Variants in SLC2A9 observed in about 807,000 individuals in gnomAD.
The protein encoded by SLC2A9 is solute carrier family 2, facilitated glucose transporter member 9.
A neutral mutation model predicts 50.6 loss-of-function variants in SLC2A9; 39 were observed. The ratio of observed to expected loss-of-function variants is 0.77; its 90% CI spans 0.60 to 1.01. The LOEUF (loss-of-function observed/expected upper bound fraction) is 1.01, where lower values mean the gene tolerates loss of function less well. Ranked by LOEUF, SLC2A9 falls within the 50% of genes least tolerant of loss-of-function variation. SLC2A9 has a pLI of 0.00. For synonymous variants in SLC2A9, 324 were observed against 276.9 expected, an observed-to-expected ratio of 1.17 and a Z score of -1.69; for missense variants, 686 against 677.6, an observed-to-expected ratio of 1.01 and a Z score of -0.14.
At chr4:9,968,908 C>T (rs1285404905) in intron 5 of SLC2A9, among the ~76,000 whole-genome samples, 1 of 151,982 alleles carries the variant, frequency 6.6e-6, no homozygotes, top group African/African-American at 2.4e-5. Context: ...ATATAACTTT[C>T]TGTATTGCTT....
chr4:9,980,630 T>C lies in SLC2A9; in HGVS notation c.643A>G (p.Thr215Ala). 6.2e-7 allele frequency: 1 copy of C among 1,614,178 alleles called. No individual in the cohort carries two copies. The highest frequency in any genetic ancestry group is 1.1e-5 in the South Asian group (1 of 91,086). The change falls in exon 5 of 12, where the codon ACT (threonine) becomes GCT (alanine). Residue 215 changes from threonine to alanine, a missense_variant. Coordinates refer to ENST00000264784, the MANE Select transcript of SLC2A9 (RefSeq NM_020041.3). Reference protein sequence around the residue: ...TAIFICIGVFTGQLLGLPELL... With the variant: ...TAIFICIGVFAGQLLGLPELL... ...TCGGGCAGGCCCAGAAGCTGCCCAG[T>C]GAACACGCCAATGCAGATAAAGATG... is the stretch of plus-strand genomic sequence containing the variant.
At chr4:9,917,012 G>A (rs1374305147) in intron 7 of SLC2A9, among the ~76,000 whole-genome samples, 4 of 152,200 alleles carry the variant, frequency 2.6e-5, no homozygotes, top group Non-Finnish European at 5.9e-5. Flanking sequence ...GGGGAGCACA[G>A]TGGAGGGGCA....
At chr4:9,791,396 A>T (rs1460771427) in intron 3 of SLC2A9, among the ~76,000 whole-genome samples, 2 of 152,180 alleles carry the variant, frequency 1.3e-5, no homozygotes. Context: ...TCTCAGATAG[A>T]GAGGAACTGT....
At chr4:9,972,949 C>T (rs534960985) in intron 5 of SLC2A9, among the ~76,000 whole-genome samples, 1 of 152,044 alleles carries the variant, frequency 6.6e-6, no homozygotes, top group Non-Finnish European at 1.5e-5. Flanking sequence ...GCTATAAAAT[C>T]AGAACAGAAC....
intron 3 of SLC2A9, among the ~76,000 whole-genome samples, chr4:9,789,315 G>A (rs895444090): frequency 3.2e-4 from 49 of 152,200 alleles, no homozygotes; most frequent in African/African-American, 1.2e-3. Flanking sequence ...GATGCATGTG[G>A]AATGTGTAAG....
intron 3 of SLC2A9, chr4:9,783,285 C>G: frequency 6.2e-7 from 1 of 1,614,206 alleles, no homozygotes. Flanking sequence ...AACGCCGTTA[C>G]CCCCGGCAAC....
intron 5 of SLC2A9, 84 bp from the exon 6 acceptor site, chr4:9,942,129 C>G: frequency 6.4e-7 from 1 of 1,560,524 alleles, no homozygotes; most frequent in Non-Finnish European, 8.8e-7. Context: ...GTGGTTTCGA[C>G]CCTGCAGAAG....
intron 5 of SLC2A9, among the ~76,000 whole-genome samples, chr4:9,974,677 C>A (rs1422205619): frequency 1.3e-5 from 2 of 152,102 alleles, no homozygotes; most frequent in Non-Finnish European, 2.9e-5. Context: ...AGCAATACTG[C>A]CCAAAGCAAT....
chr4:9,934,163 C>T (rs923043834), intron 6 of SLC2A9, among the ~76,000 whole-genome samples: 2 of 152,174 alleles, frequency 1.3e-5, no homozygotes, highest in African/African-American at 4.8e-5. Context: ...GCCTCCCACA[C>T]TAGCATATAA....
intron 6 of SLC2A9, among the ~76,000 whole-genome samples, chr4:9,930,859 G>A (rs1167063551): frequency 6.6e-6 from 1 of 152,150 alleles, no homozygotes; most frequent in African/African-American, 2.4e-5. Context: ...GGAGCCAGGT[G>A]ACCACCTGTC....
chr4:9,800,207 A>G (rs1433539995), intron 3 of SLC2A9, among the ~76,000 whole-genome samples: 2 of 152,178 alleles, frequency 1.3e-5, no homozygotes, highest in Non-Finnish European at 2.9e-5. Context: ...TCAGTGCAGA[A>G]CTGAATTTCA....
intron 10 of SLC2A9, among the ~76,000 whole-genome samples, chr4:9,836,824 G>C (rs957331886): frequency 6.6e-6 from 1 of 152,190 alleles, no homozygotes; most frequent in Non-Finnish European, 1.5e-5. Context: ...GGTTGTTTAG[G>C]GGGGCTCAGA....
In SLC2A9 at chr4:9,920,580, C is replaced by G. The variant is rs749578844; in HGVS notation, c.815-8G>C. ...CCAAGAACGTTTGGAAGGCTGCAAA[C>G]AGAGGCACACATGGACTTTCAGCAG... On this transcript the variant is annotated splice_region_variant and splice_polypyrimidine_tract_variant and intron_variant, in intron 6 of 11. Transcript: ENST00000264784. 2 of 1,614,076 alleles carry G rather than the reference C, an allele frequency of 1.2e-6. No homozygotes were observed. The highest frequency in any genetic ancestry group is 2.2e-5 in the South Asian group (2 of 91,080).
chr4:10,018,967 G>A lies in SLC2A9; in HGVS notation c.249+8C>T. On this transcript the variant is annotated splice_region_variant and intron_variant, in intron 2 of 11. Coordinates refer to ENST00000264784, the MANE Select transcript of SLC2A9 (RefSeq NM_020041.3). ...AGCGCCCTCTGCCGGGCCTTGGCGCGCACTCACCGGGGTGGGGGCATTCAC... is the reference window on the plus strand; with the variant it reads ...AGCGCCCTCTGCCGGGCCTTGGCGCACACTCACCGGGGTGGGGGCATTCAC... 1 of 1,549,198 alleles carries A rather than the reference G, an allele frequency of 6.5e-7. No individual in the cohort carries two copies. Among genetic ancestry groups the A allele is most frequent in the Non-Finnish European group, 8.7e-7 (1 of 1,146,614 alleles).
chr4:9,999,649 G>C (rs1218925112), intron 2 of SLC2A9, among the ~76,000 whole-genome samples: 2 of 152,140 alleles, frequency 1.3e-5, no homozygotes, highest in Non-Finnish European at 2.9e-5. Context: ...AGAAAGGGCA[G>C]GTCATGTGGG....
At chr4:9,985,286 T>C (rs1756520102) in intron 4 of SLC2A9, among the ~76,000 whole-genome samples, 1 of 151,900 alleles carries the variant, frequency 6.6e-6, no homozygotes, top group Admixed American at 6.6e-5. Context: ...GGCGAGTAAA[T>C]GAAATAACGA....
intron 5 of SLC2A9, among the ~76,000 whole-genome samples, chr4:9,962,255 G>C (rs1311406182): frequency 6.6e-6 from 1 of 152,166 alleles, no homozygotes; most frequent in Non-Finnish European, 1.5e-5. Flanking sequence ...CTATTATAAA[G>C]ATGCATGCAT....
chr4:9,906,457 A>G (rs1740679746), intron 8 of SLC2A9, among the ~76,000 whole-genome samples: 1 of 152,210 alleles, frequency 6.6e-6, no homozygotes, highest in Non-Finnish European at 1.5e-5. Context: ...AAAATAATAA[A>G]TAAGAAAATG....
chr4:9,810,463 T>C (rs1722727751), intron 3 of SLC2A9, among the ~76,000 whole-genome samples: 1 of 152,232 alleles, frequency 6.6e-6, no homozygotes, highest in Admixed American at 6.5e-5. Context: ...AAATTCACCA[T>C]GGTGTGTCTT....
Sources: gnomAD v4.1 joint callset for allele counts (sites outside exome capture counted in the v4.1 genomes callset) on GRCh38, gnomAD v4.1.1 for gene constraint, MANE v1.5 for transcripts, NCBI Gene and HGNC (gene_info 2026-07-23, HGNC 2026-07-21) for gene names.